Variants in KIAA0825 observed in about 807,000 individuals in gnomAD.
KIAA0825 encodes the protein KIAA0825, also known as uncharacterized protein KIAA0825.
A neutral mutation model predicts 147.6 loss-of-function variants in KIAA0825; 119 were observed. The observed-to-expected ratio is 0.81, with a 90% confidence interval of 0.69 to 0.94. The LOEUF is 0.94. Among genes scored for constraint, KIAA0825 ranks in the 40% least tolerant of loss-of-function variants. KIAA0825 has a pLI of 0.00. For synonymous variants in KIAA0825, 470 were observed against 518.1 expected, an observed-to-expected ratio of 0.91 and a Z score of 1.26; for missense variants, 1,381 against 1,472.7, an observed-to-expected ratio of 0.94 and a Z score of 1.02.
chr5:94,592,981 T>C (rs1784617187), intron 1 of KIAA0825: 1 of 590,848 alleles, frequency 1.7e-6, no homozygotes, highest in South Asian at 1.7e-5. Context: ...GGGATGTACA[T>C]TTAATATACT....
chr5:94,586,618 G>T (rs1783340938), intron 1 of KIAA0825, among the ~76,000 whole-genome samples: 1 of 152,162 alleles, frequency 6.6e-6, no homozygotes, highest in Admixed American at 6.5e-5. Flanking sequence ...GAGGTACAAG[G>T]ATTAGCTTGT....
chr5:94,155,117 A>G (rs79312366), intron 20 of KIAA0825, among the ~76,000 whole-genome samples: 3,551 of 152,230 alleles, frequency 0.023, 142 homozygotes, highest in African/African-American at 0.081. Flanking sequence ...TTATAATCCA[A>G]ACTCCCAGAC....
At chr5:94,554,747 TA>T (rs1776231120) in intron 2 of KIAA0825, among the ~76,000 whole-genome samples, 1 of 136,052 alleles carries the variant, frequency 7.4e-6, no homozygotes, top group African/African-American at 2.8e-5. Flanking sequence ...TATATATATA[TA>T]TATATATATA....
At chr5:94,588,101 C>T (rs1561359233) in intron 1 of KIAA0825, among the ~76,000 whole-genome samples, 1 of 152,152 alleles carries the variant, frequency 6.6e-6, no homozygotes, top group South Asian at 2.1e-4. Context: ...TAGAAGAAAG[C>T]CCGGCAATAC....
chr5:94,391,502 C>A (rs1472640218), intron 18 of KIAA0825, 33 bp downstream of exon 18: 1 of 1,551,080 alleles, frequency 6.4e-7, no homozygotes, highest in East Asian at 2.4e-5. Flanking sequence ...CCAGTACACA[C>A]CTAATTGCTC....
At chr5:94,439,911 GA>G in intron 14 of KIAA0825, 70 bp downstream of exon 14, 2 of 1,451,620 alleles carry the variant, frequency 1.4e-6, no homozygotes, top group Non-Finnish European at 1.9e-6. Flanking sequence ...GTTTGCCTAG[GA>G]AAAAAATGTT....
intron 20 of KIAA0825, among the ~76,000 whole-genome samples, chr5:94,353,884 T>C (rs754937991): frequency 6.6e-6 from 1 of 152,198 alleles, no homozygotes; most frequent in South Asian, 2.1e-4. Flanking sequence ...ATTCCAAATA[T>C]ATATGTTTTA....
intron 5 of KIAA0825, among the ~76,000 whole-genome samples, chr5:94,507,047 T>C (rs536976770): frequency 6.6e-6 from 1 of 152,196 alleles, no homozygotes; most frequent in Non-Finnish European, 1.5e-5. Context: ...ATAAGTGTTA[T>C]GTATAGTCAA....
chr5:94,184,019 G>C (rs938429066), intron 20 of KIAA0825, among the ~76,000 whole-genome samples: 2 of 152,094 alleles, frequency 1.3e-5, no homozygotes, highest in East Asian at 1.9e-4. Flanking sequence ...CAAAATGAGG[G>C]GCAATCTTGT....
chr5:94,255,781 T>C (rs962522942), intron 20 of KIAA0825, among the ~76,000 whole-genome samples: 7 of 132,240 alleles, frequency 5.3e-5, no homozygotes, highest in Non-Finnish European at 7.8e-5. Flanking sequence ...TGCAATGGCA[T>C]GATCACATGG....
At chr5:94,310,180 G>A (rs1045414191) in intron 20 of KIAA0825, among the ~76,000 whole-genome samples, 4 of 151,556 alleles carry the variant, frequency 2.6e-5, no homozygotes, top group Admixed American at 2.0e-4. Flanking sequence ...ATAGATAAAA[G>A]GTAGCTTTAT....
At chr5:94,563,197 A>AAAC (rs1554046500) in intron 2 of KIAA0825, among the ~76,000 whole-genome samples, 22 of 107,976 alleles carry the variant, frequency 2.0e-4, no homozygotes, top group African/African-American at 8.2e-4. Context: ...AAAAAAAACA[A>AAAC]AAAAAAAAAA....
chr5:94,453,750 A>G (rs528449043), intron 12 of KIAA0825, among the ~76,000 whole-genome samples: 5 of 152,278 alleles, frequency 3.3e-5, no homozygotes, highest in African/African-American at 7.2e-5. Flanking sequence ...ACGATGAAGA[A>G]TAGTACAATG....
intron 20 of KIAA0825, among the ~76,000 whole-genome samples, chr5:94,170,712 A>G (rs1768535941): frequency 6.6e-6 from 1 of 152,174 alleles, no homozygotes. Flanking sequence ...CTTACAAAAC[A>G]CTACAATGTT....
intron 11 of KIAA0825, among the ~76,000 whole-genome samples, chr5:94,462,791 G>A (rs1440617936): frequency 2.0e-5 from 3 of 151,730 alleles, no homozygotes; most frequent in Non-Finnish European, 3.0e-5. Flanking sequence ...GGGATGGTGA[G>A]CTCTGTAATA....
At chr5:94,285,704 C>G (rs975424072) in intron 20 of KIAA0825, among the ~76,000 whole-genome samples, 2 of 152,132 alleles carry the variant, frequency 1.3e-5, no homozygotes, top group African/African-American at 4.8e-5. Flanking sequence ...CTAGGTTTAA[C>G]TGGGCTAAGA....
chr5:94,413,511 G>A (rs1753042519), intron 15 of KIAA0825: 1 of 152,158 alleles, frequency 6.6e-6, no homozygotes. Flanking sequence ...AAAACATTAA[G>A]CTGAGCAAAA....
intron 20 of KIAA0825, among the ~76,000 whole-genome samples, chr5:94,173,274 C>T (rs2149954854): frequency 6.6e-6 from 1 of 152,266 alleles, no homozygotes; most frequent in Admixed American, 6.5e-5. Flanking sequence ...CTTAATACTT[C>T]TCTTAATGTT....
intron 20 of KIAA0825, among the ~76,000 whole-genome samples, chr5:94,293,444 G>A (rs1777993193): frequency 6.6e-6 from 1 of 152,188 alleles, no homozygotes; most frequent in Admixed American, 6.6e-5. Flanking sequence ...TTAATCCTGA[G>A]TTCTAATTTG....
Sources: allele counts gnomAD v4.1 joint callset (sites outside exome capture counted in the v4.1 genomes callset), GRCh38; gene constraint gnomAD v4.1.1; transcripts MANE v1.5; gene names NCBI Gene and HGNC (gene_info 2026-07-23, HGNC 2026-07-21).